Variants in LRRC18 observed in about 807,000 individuals in gnomAD.
LRRC18 encodes the protein leucine rich repeat containing 18.
LRRC18 carries 12 observed loss-of-function variants against 11.2 expected under a neutral mutation model. The ratio of observed to expected loss-of-function variants is 1.07; its 90% confidence interval spans 0.69 to 1.74. LRRC18 has a LOEUF of 1.74. Ranked by LOEUF, LRRC18 falls within the 40% of genes most tolerant of loss-of-function variation. The pLI is 0.00. For synonymous variants in LRRC18, 155 were observed against 130.6 expected, an observed-to-expected ratio of 1.19 and a Z score of -1.27; for missense variants, 374 against 330.5, an observed-to-expected ratio of 1.13 and a Z score of -1.02.
the LRRC18 span, among the ~76,000 whole-genome samples, chr10:48,927,388 T>C: frequency 6.6e-6 from 1 of 152,180 alleles, no homozygotes; most frequent in Non-Finnish European, 1.5e-5. Flanking sequence ...GGGAGGGGAA[T>C]ATGTGTGAGA....
chr10:48,913,763 G>C, exon 1 of LRRC18: 1 of 1,614,072 alleles, frequency 6.2e-7, no homozygotes, highest in Non-Finnish European at 8.5e-7. Flanking sequence ...TGTCCAGGTG[G>C]TTCAAGCCTA....
At chr10:48,918,370 A>G (rs1838741583), upstream of LRRC18, among the ~76,000 whole-genome samples, 1 of 152,226 alleles carries the variant, frequency 6.6e-6, no homozygotes, top group Non-Finnish European at 1.5e-5. Flanking sequence ...AGTGAGTTGA[A>G]CTAAAAGAAT....
the LRRC18 span, among the ~76,000 whole-genome samples, chr10:48,922,786 A>G: frequency 1.3e-5 from 2 of 152,202 alleles, no homozygotes; most frequent in Admixed American, 6.5e-5. Flanking sequence ...AAAATGTCTC[A>G]AACGTCTACA....
At chr10:48,924,468 G>GT in the LRRC18 span, among the ~76,000 whole-genome samples, 213 of 152,340 alleles carry the variant, frequency 1.4e-3, no homozygotes, top group Non-Finnish European at 2.5e-3. Flanking sequence ...GGAGAAAGAT[G>GT]TAAGTAGATA....
chr10:48,910,166 T>G lies in LRRC18; in HGVS notation c.*71A>C, dbSNP rs187157512. ...ACTTGCCACTCTGTCTTCTCCTAAC[T>G]GGGGGCTTCTCCTCTTCAGAGTCGT... On this transcript the variant is annotated 3_prime_UTR_variant, in exon 2 of 2. Transcript: ENST00000374160. 3.6e-6 allele frequency: 5 copies of G among 1,385,112 alleles called. No individual in the cohort carries two copies. The African/African-American group carries it at 4.3e-5, about 12-fold the overall frequency. The allele number at this position is 1,385,112 out of a possible 1,614,324, so 85.8% of individuals were successfully genotyped here. A position where few individuals can be genotyped will look rare whatever the true frequency, so the allele number is the denominator to read the frequency against.
upstream of LRRC18, chr10:48,914,243 A>C: frequency 7.1e-7 from 1 of 1,407,156 alleles, no homozygotes; most frequent in Non-Finnish European, 9.6e-7. Flanking sequence ...CTGCTGAAAG[A>C]TAAGAAAACA....
the LRRC18 span, among the ~76,000 whole-genome samples, chr10:48,936,242 T>G: frequency 4.8e-3 from 733 of 152,236 alleles, 3 homozygotes; most frequent in African/African-American, 0.017. Context: ...CTATAACATT[T>G]TTTAATACAT....
the LRRC18 span, among the ~76,000 whole-genome samples, chr10:48,919,866 T>TA: frequency 3.7e-3 from 487 of 131,506 alleles, 2 homozygotes; most frequent in Non-Finnish European, 6.8e-3. Context: ...ATGATCTCTT[T>TA]CAAAAAAAAA....
At chr10:48,917,724 G>T (rs565058599), upstream of LRRC18, among the ~76,000 whole-genome samples, 1 of 152,320 alleles carries the variant, frequency 6.6e-6, no homozygotes, top group African/African-American at 2.4e-5. Flanking sequence ...TGCTGTAAAA[G>T]AAATGTCCAA....
chr10:48,933,661 A>G, the LRRC18 span, among the ~76,000 whole-genome samples: 2 of 152,164 alleles, frequency 1.3e-5, no homozygotes, highest in Admixed American at 1.3e-4. Flanking sequence ...GGCTGAGATG[A>G]GTTCCATTAT....
chr10:48,914,903 T>A (rs1838370832), upstream of LRRC18, among the ~76,000 whole-genome samples: 1 of 152,222 alleles, frequency 6.6e-6, no homozygotes, highest in Admixed American at 6.5e-5. Flanking sequence ...TCATGGAGAA[T>A]GCTGCCTTTT....
the LRRC18 span, among the ~76,000 whole-genome samples, chr10:48,936,228 C>A: frequency 4.3e-4 from 66 of 151,938 alleles, 1 homozygote; most frequent in Non-Finnish European, 7.2e-4. Flanking sequence ...TAAATGAGAG[C>A]TAACTATAAC....
chr10:48,928,654 C>A, the LRRC18 span, among the ~76,000 whole-genome samples: 2 of 152,194 alleles, frequency 1.3e-5, no homozygotes, highest in South Asian at 4.1e-4. Context: ...ACATGGAATT[C>A]TTTCTGCACT....
chr10:48,917,687 A>AAAATAAGT (rs1838677609), upstream of LRRC18, among the ~76,000 whole-genome samples: 1 of 152,234 alleles, frequency 6.6e-6, no homozygotes, highest in Non-Finnish European at 1.5e-5. Context: ...AGATGAGTGA[A>AAAATAAGT]AAATAAGTTT....
upstream of LRRC18, among the ~76,000 whole-genome samples, chr10:48,918,184 G>A (rs144195754): frequency 2.2e-3 from 332 of 152,194 alleles, 1 homozygote; most frequent in Non-Finnish European, 3.7e-3. Flanking sequence ...AACAGAAGGA[G>A]CAAACAGACA....
exon 1 of LRRC18, chr10:48,913,960 G>A: frequency 2.5e-6 from 4 of 1,614,148 alleles, no homozygotes; most frequent in Non-Finnish European, 3.4e-6. Flanking sequence ...ATGGAGTCAG[G>A]GATCTTCCTG....
the LRRC18 span, among the ~76,000 whole-genome samples, chr10:48,939,099 C>T: frequency 1.3e-5 from 2 of 152,226 alleles, no homozygotes; most frequent in African/African-American, 2.4e-5. Flanking sequence ...GTCCACTGGG[C>T]TGACTGAGCA....
upstream of LRRC18, among the ~76,000 whole-genome samples, chr10:48,916,800 A>G (rs376231274): frequency 2.0e-4 from 30 of 148,908 alleles, no homozygotes; most frequent in East Asian, 4.7e-3. Context: ...ATACTTACAC[A>G]AACCTAAATG....
intron 1 of LRRC18, chr10:48,910,743 A>G (rs1837924027): frequency 6.0e-6 from 1 of 167,704 alleles, no homozygotes; most frequent in Non-Finnish European, 1.2e-5. Flanking sequence ...AAAGCATGAT[A>G]AAGCCCCAGA....
Sources: allele counts gnomAD v4.1 joint callset (sites outside exome capture counted in the v4.1 genomes callset), GRCh38; gene constraint gnomAD v4.1.1; transcripts MANE v1.5; gene names NCBI Gene and HGNC (gene_info 2026-07-23, HGNC 2026-07-21).